TXNIP: variants seen among roughly 807,000 people sequenced by gnomAD.
TXNIP encodes the protein thioredoxin-interacting protein.
Under a neutral mutation model 43.9 loss-of-function variants are expected in TXNIP, and 23 were observed. That is an observed-to-expected ratio of 0.52 (90% CI 0.38 to 0.74). The LOEUF is 0.74. Among genes scored for constraint, TXNIP ranks in the 30% least tolerant of loss-of-function variants. TXNIP has a pLI of 0.00. For missense variants in TXNIP, 555 were observed against 485.4 expected, an observed-to-expected ratio of 1.14 and a Z score of -1.35; for synonymous variants, 234 against 172.2, an observed-to-expected ratio of 1.36 and a Z score of -2.81.
Position 145,992,950 on chromosome 1 carries a change from ATT to A in TXNIP, c.*899_*900del, listed in dbSNP as rs1297825524. 1 of 152,438 alleles carries A rather than the reference ATT, an allele frequency of 6.6e-6. No homozygotes were observed. Among genetic ancestry groups the A allele is most frequent in the African/African-American group, 2.4e-5 (1 of 41,372 alleles). 9.4% of individuals were successfully genotyped at this position (152,438 alleles called of 1,614,324 possible). A position where few individuals can be genotyped will look rare whatever the true frequency, so the allele number is the denominator to read the frequency against. Reference sequence around the variant, plus strand: ...TTGGGGCAATCTCAAAAGTAGTAAAATTTTTTTTGTCTTTTGGCTTAACCCTA... The same window carrying A: ...TTGGGGCAATCTCAAAAGTAGTAAAATTTTTTGTCTTTTGGCTTAACCCTA... On this transcript the variant is annotated 3_prime_UTR_variant, in exon 8 of 8. Coordinates refer to ENST00000582401, the MANE Select transcript of TXNIP (RefSeq NM_006472.6).
In TXNIP at chr1:145,993,812, G is replaced by GA. The variant is rs1553765771; in HGVS notation, c.*38dup. ...GAGTGTCCAGGAAGAGAGACAAAAA[G>GA]AAACAAGTAGGTAAAGCTGCTTCTT... On this transcript the variant is annotated 3_prime_UTR_variant, in exon 8 of 8. Coordinates refer to ENST00000582401, the MANE Select transcript of TXNIP (RefSeq NM_006472.6). 3.1e-6 allele frequency: 5 copies of GA among 1,613,042 alleles called. No homozygotes were observed.
chr1:145,993,968 T>G (rs782133207), intron 7 of TXNIP, 48 bp downstream of exon 7: 5 of 1,613,724 alleles, frequency 3.1e-6, no homozygotes, highest in South Asian at 1.1e-5. Flanking sequence ...AGTCAACTTC[T>G]TATAGAAAGC....
At position 145,993,273 on chromosome 1, in the gene TXNIP, A is replaced by G. The variant is rs1201181041; in HGVS notation, c.*578T>C. ...GCAGCTAGCTTCCTTTTTTATAATCACAGGGAAAGCTCTCTCCATTGTCCA... is the reference window on the plus strand; with the variant it reads ...GCAGCTAGCTTCCTTTTTTATAATCGCAGGGAAAGCTCTCTCCATTGTCCA... On this transcript the variant is annotated 3_prime_UTR_variant, in exon 8 of 8. Transcript: ENST00000582401. 6.5e-6 allele frequency: 1 copy of G among 153,116 alleles called. No homozygotes were observed. Among genetic ancestry groups the G allele is most frequent in the Non-Finnish European group, 1.5e-5 (1 of 68,380 alleles). 9.5% of individuals were successfully genotyped at this position (153,116 alleles called of 1,614,324 possible).
rs1651386534 is a variant in TXNIP, at chr1:145,994,810, A to G, written c.575-10T>C. The G allele has an allele frequency of 6.2e-7, 1 of 1,614,184 alleles. No homozygotes were observed. Among genetic ancestry groups the G allele is most frequent in the Non-Finnish European group, 8.5e-7 (1 of 1,180,026 alleles). ...ATGGAAATCTCATCACCTAGCAATG[A>G]GAAAGATGAAAACTTACTGATACTC... is the stretch of plus-strand genomic sequence containing the variant. On this transcript the variant is annotated splice_polypyrimidine_tract_variant and intron_variant, in intron 4 of 7. Coordinates refer to ENST00000582401, the MANE Select transcript of TXNIP (RefSeq NM_006472.6).
chr1:145,995,741 G>C, intron 1 of TXNIP: 2 of 608,396 alleles, frequency 3.3e-6, no homozygotes, highest in East Asian at 2.7e-5. Context: ...AGTAGACAAA[G>C]AATAAGCAAC....
Position 145,995,086 on chromosome 1 carries a change from A to T in TXNIP, c.472-55T>A, listed in dbSNP as rs1266026995. ...GAGATGCTTCAATCTAATGCCCAAGACGTCTGATTTATCATCCTCATGACC... is the reference window on the plus strand; with the variant it reads ...GAGATGCTTCAATCTAATGCCCAAGTCGTCTGATTTATCATCCTCATGACC... On this transcript the variant is annotated intron_variant, in intron 3 of 7. Transcript: ENST00000582401. The T allele has an allele frequency of 1.9e-6, 3 of 1,613,318 alleles. No homozygotes were observed. In the East Asian group the frequency reaches 6.7e-5, roughly 36 times the overall value.
rs1651304473 is a variant in TXNIP, at chr1:145,993,849, G to A, written c.*2C>T. On this transcript the variant is annotated 3_prime_UTR_variant, in exon 8 of 8. Transcript: ENST00000582401. ...TAAAGCTGCTTCTTTTCTTCCACATGCTCACTGCACATTGTTGTTGAGGAT... is the reference window on the plus strand; with the variant it reads ...TAAAGCTGCTTCTTTTCTTCCACATACTCACTGCACATTGTTGTTGAGGAT... The A allele has an allele frequency of 6.2e-7, 1 of 1,614,092 alleles. No individual in the cohort carries two copies. Among genetic ancestry groups the A allele is most frequent in the Non-Finnish European group, 8.5e-7 (1 of 1,180,012 alleles).
rs1272265404 is a variant in TXNIP at position 145,992,600 on chromosome 1, T to C, written c.*1251A>G. The stretch of plus-strand genomic sequence containing the variant: ...ATCTTCAGCCCACACTTTCTGGCTG[T>C]AATAACTCTCAGAAAAGGGTGGAGC... On this transcript the variant is annotated 3_prime_UTR_variant, in exon 8 of 8. Coordinates refer to ENST00000582401, the MANE Select transcript of TXNIP (RefSeq NM_006472.6). The C allele has an allele frequency of 6.6e-6, 1 of 152,660 alleles. No homozygotes were observed. The highest frequency in any genetic ancestry group is 1.5e-5 in the Non-Finnish European group (1 of 68,058). 9.5% of individuals were successfully genotyped at this position (152,660 alleles called of 1,614,324 possible).
rs1651269433 is a variant in TXNIP at position 145,993,331 on chromosome 1, T to TC, written c.*519dup. The TC allele has an allele frequency of 1.3e-5, 2 of 154,244 alleles. 1 individual carries two copies. Among genetic ancestry groups the TC allele is most frequent in the Admixed American group, 1.3e-4 (2 of 15,622 alleles). The allele number at this position is 154,244 out of a possible 1,614,324, so 9.6% of individuals were successfully genotyped here. A position where few individuals can be genotyped will look rare whatever the true frequency, so the allele number is the denominator to read the frequency against. ...AGCTCTAGAAGGTTTTTCTTTTTTT[T>TC]CTACAAGTGCACAAAGGGGAAACAC... On this transcript the variant is annotated 3_prime_UTR_variant, in exon 8 of 8. Transcript: ENST00000582401.
Position 145,996,518 on chromosome 1 carries a change from A to G in TXNIP, c.-252T>C, listed in dbSNP as rs587636012. The G allele has an allele frequency of 1.9e-5, 7 of 374,204 alleles. No individual in the cohort carries two copies. The highest frequency in any genetic ancestry group is 4.2e-5 in the African/African-American group (2 of 47,934). The allele number at this position is 374,204 out of a possible 1,614,324, so 23.2% of individuals were successfully genotyped here. A position where few individuals can be genotyped will look rare whatever the true frequency, so the allele number is the denominator to read the frequency against. ...CAGAGAAAAAGCCTTCTTTCCCCCAATTGCTGGAGAAAAGATCCGATCTCC... is the reference window on the plus strand; with the variant it reads ...CAGAGAAAAAGCCTTCTTTCCCCCAGTTGCTGGAGAAAAGATCCGATCTCC... On this transcript the variant is annotated 5_prime_UTR_variant, in exon 1 of 8. Transcript: ENST00000582401.
At chr1:145,994,255 A>C (rs1351762566) in intron 6 of TXNIP, 26 bp downstream of exon 6, 3 of 1,613,068 alleles carry the variant, frequency 1.9e-6, no homozygotes, top group Non-Finnish European at 2.5e-6. Context: ...ACCAGAAACA[A>C]AGAAAAGACA....
Position 145,996,043 on chromosome 1 carries a change from G to A in TXNIP, c.224C>T (p.Thr75Met), listed in dbSNP as rs781960064. 2.8e-5 allele frequency: 45 copies of A among 1,613,728 alleles called. No individual in the cohort carries two copies. In the East Asian group the frequency reaches 9.8e-4, roughly 35 times the overall value. Residue 75 changes from threonine to methionine, a missense_variant, in exon 1 of 8, where the codon ACG becomes ATG. Transcript: ENST00000582401. ...TGTTGGCTGGTCTTCCAGAAGAAGC[G>A]TGTCTTCATAGCGCAGGTACTCCGA... is the stretch of plus-strand genomic sequence containing the variant. ...QTSEYLRYED[T>M]LLLEDQPTGE...
In TXNIP at chr1:145,996,148, C is replaced by G. The variant is rs1205624738; in HGVS notation, c.119G>C (p.Arg40Pro). The change falls in exon 1 of 8, where the codon CGT becomes CCT. Residue 40 changes from arginine to proline, a missense_variant. Transcript: ENST00000582401. ...RVIVEVCEVT[R>P]VKAVRILACG... The stretch of plus-strand genomic sequence containing the variant: ...AGCCAGGATCCTAACGGCTTTGACA[C>G]GAGTAACTTCACACACCTCCACTAT... 1.2e-5 allele frequency: 20 copies of G among 1,613,928 alleles called. No homozygotes were observed. The highest frequency in any genetic ancestry group is 1.6e-5 in the Non-Finnish European group (19 of 1,180,008).
rs1651538640 is a variant in TXNIP, at chr1:145,996,413, T to C, written c.-147A>G. 1 of 998,328 alleles carries C rather than the reference T, an allele frequency of 1.0e-6. No individual in the cohort carries two copies. The highest frequency in any genetic ancestry group is 1.4e-6 in the Non-Finnish European group (1 of 694,596). 61.8% of individuals were successfully genotyped at this position (998,328 alleles called of 1,614,324 possible). On this transcript the variant is annotated 5_prime_UTR_variant, in exon 1 of 8. Transcript: ENST00000582401. ...GTTTGAGCTTAAAAATAAAATAAGA[T>C]TTAAACAAATGAATATTAACTACTA...
intron 1 of TXNIP, chr1:145,995,763 T>TA: frequency 1.6e-6 from 1 of 612,724 alleles, no homozygotes; most frequent in Non-Finnish European, 2.8e-6. Flanking sequence ...TATGCACACA[T>TA]AAGACTTTAA....
chr1:145,995,189 G>A lies in TXNIP; in HGVS notation c.426C>T (p.Asn142=), dbSNP rs782600873. Residue 142 remains asparagine (N), a synonymous_variant, in exon 3 of 8, where the codon AAC becomes AAT. Coordinates refer to ENST00000582401, the MANE Select transcript of TXNIP (RefSeq NM_006472.6). ...CATCCACCAGATCCACTACTTCAAA[G>A]TTTTTCTTTGTCTCTTGAGTTGGCT... The part of the protein sequence containing the change: ...PSQPTQETKK[N]FEVVDLVDVN... 53 of 1,613,942 alleles carry A rather than the reference G, an allele frequency of 3.3e-5. No homozygotes were observed. Among genetic ancestry groups the A allele is most frequent in the Non-Finnish European group, 4.5e-5 (53 of 1,180,014 alleles).
At position 145,996,042 on chromosome 1, in the gene TXNIP, CGT is replaced by C; in HGVS notation, c.223_224del (p.Thr75AlafsTer10). 1 of 1,613,818 alleles carries C rather than the reference CGT, an allele frequency of 6.2e-7. No homozygotes were observed. The highest frequency in any genetic ancestry group is 8.5e-7 in the Non-Finnish European group (1 of 1,179,992). On this transcript the variant is annotated frameshift_variant, in exon 1 of 8. Transcript: ENST00000582401. LOFTEE classifies it high-confidence loss of function. ...QTSEYLRYED[T>X]LLLEDQPTGE... The stretch of plus-strand genomic sequence containing the variant: ...CTGTTGGCTGGTCTTCCAGAAGAAG[CGT>C]GTCTTCATAGCGCAGGTACTCCGAA...
At chr1:145,995,100 ATCC>A (rs1651416874) in intron 3 of TXNIP, 41 bp downstream of exon 3, 1 of 1,613,388 alleles carries the variant, frequency 6.2e-7, no homozygotes, top group South Asian at 1.1e-5. Flanking sequence ...CTGATTTATC[ATCC>A]TCATGACCCA....
chr1:145,995,500 G>C, intron 1 of TXNIP, 24 bp from the exon 2 acceptor site: 1 of 1,610,844 alleles, frequency 6.2e-7, no homozygotes, highest in South Asian at 1.1e-5. Flanking sequence ...AAATCGAGTA[G>C]CCATTAGGCT....
Sources: gnomAD v4.1 joint callset for allele counts on GRCh38, gnomAD v4.1.1 for gene constraint, MANE v1.5 for transcripts, NCBI Gene and HGNC (gene_info 2026-07-23, HGNC 2026-07-21) for gene names.